Variants in GPALPP1 observed in about 807,000 individuals in gnomAD.
GPALPP1 encodes the protein GPALPP motifs containing 1, also known as GPALPP motifs-containing protein 1.
GPALPP1 carries 30 observed loss-of-function variants against 38.9 expected under a neutral mutation model. That is an observed-to-expected ratio of 0.77 (90% CI 0.58 to 1.05). The LOEUF (loss-of-function observed/expected upper bound fraction) is 1.05. Among genes scored for constraint, GPALPP1 ranks in the 50% least tolerant of loss-of-function variants. The probability of loss-of-function intolerance (pLI) is 0.00; values close to 1 mark genes in which losing one functional copy is unlikely to be tolerated. For synonymous variants in GPALPP1, 120 were observed against 139.2 expected, an observed-to-expected ratio of 0.86 and a Z score of 0.97; for missense variants, 384 against 408.8, an observed-to-expected ratio of 0.94 and a Z score of 0.52.
At chr13:45,019,010 T>TATATAA (rs1482004221) in intron 6 of GPALPP1, among the ~76,000 whole-genome samples, 2 of 61,228 alleles carry the variant, frequency 3.3e-5, no homozygotes, top group Admixed American at 2.3e-4. Context: ...TACATATAAA[T>TATATAA]ATATATACAC....
intron 5 of GPALPP1, among the ~76,000 whole-genome samples, 174 bp downstream of exon 5, chr13:45,015,257 C>T (rs751998814): frequency 4.6e-5 from 7 of 152,052 alleles, no homozygotes; most frequent in Non-Finnish European, 8.8e-5. Context: ...ATTGGATGAA[C>T]GTCTTTGTAA....
At chr13:45,033,780 A>G (rs958035975), downstream of GPALPP1, 7 of 152,218 alleles carry the variant, frequency 4.6e-5, no homozygotes, top group African/African-American at 1.7e-4. Context: ...TTCATTATCT[A>G]ATATAACTAT....
At chr13:44,999,413 G>C (rs953916843) in intron 1 of GPALPP1, among the ~76,000 whole-genome samples, 1 of 152,114 alleles carries the variant, frequency 6.6e-6, no homozygotes, top group Admixed American at 6.6e-5. Flanking sequence ...ATGACGACAA[G>C]CATCACTGCT....
chr13:45,037,303 T>C (rs1341305468), exon 8 of GPALPP1: 1 of 152,226 alleles, frequency 6.6e-6, no homozygotes, highest in Admixed American at 6.5e-5. Flanking sequence ...AAGTTGCTTA[T>C]GTATATAATA....
intron 1 of GPALPP1, among the ~76,000 whole-genome samples, chr13:45,002,673 C>G (rs1873784747): frequency 6.6e-6 from 1 of 152,194 alleles, no homozygotes; most frequent in Admixed American, 6.5e-5. Context: ...TTATCCAAAT[C>G]ACACAGCTAG....
intron 1 of GPALPP1, among the ~76,000 whole-genome samples, chr13:44,995,972 C>T (rs533150947): frequency 6.6e-5 from 10 of 152,262 alleles, no homozygotes; most frequent in Admixed American, 6.5e-5. Context: ...AAAGGAACCA[C>T]GTCCTAAGCC....
rs190332182 is a variant in GPALPP1 at position 44,993,900 on chromosome 13, G to T, written c.88+4158G>T. Among the ~76,000 whole-genome samples, 19 of 151,210 alleles carry T rather than the reference G, an allele frequency of 1.3e-4. No homozygotes were observed. In the East Asian group the frequency reaches 2.9e-3, roughly 23 times the overall value. On this transcript the variant is annotated intron_variant, in intron 1 of 7. Transcript: ENST00000379151. ...TTGCATTTCCTTAACGATTAGTGAT[G>T]TTGAGCACCTTTTCATATGCTTATT... is the stretch of plus-strand genomic sequence containing the variant.
chr13:45,009,830 A>G (rs911467587), intron 4 of GPALPP1, among the ~76,000 whole-genome samples: 2 of 152,146 alleles, frequency 1.3e-5, no homozygotes, highest in Admixed American at 6.5e-5. Context: ...TCTGTCAACA[A>G]ATTATTTTGT....
chr13:45,028,933 C>T lies in GPALPP1; in HGVS notation c.*930C>T, dbSNP rs1876035953. 2 of 152,138 alleles carry T rather than the reference C, an allele frequency of 1.3e-5. No individual in the cohort carries two copies. The highest frequency in any genetic ancestry group is 4.1e-4 in the South Asian group (2 of 4,826). 9.4% of individuals were successfully genotyped at this position (152,138 alleles called of 1,614,324 possible). A position where few individuals can be genotyped will look rare whatever the true frequency, so the allele number is the denominator to read the frequency against. The stretch of plus-strand genomic sequence containing the variant: ...ATTAGCCAGGTGTGGTGGCACGTGC[C>T]TGTAATCTCAGCTACTTGGGAGCCT... On this transcript the variant is annotated 3_prime_UTR_variant, in exon 8 of 8. Coordinates refer to ENST00000379151, the MANE Select transcript of GPALPP1 (RefSeq NM_018559.5).
chr13:44,995,504 A>G (rs1331856278), intron 1 of GPALPP1, among the ~76,000 whole-genome samples: 4 of 152,210 alleles, frequency 2.6e-5, no homozygotes, highest in African/African-American at 9.6e-5. Flanking sequence ...GAACTTCTAA[A>G]AAAAATCTTT....
At chr13:45,021,846 A>C (rs1463451416) in intron 7 of GPALPP1, among the ~76,000 whole-genome samples, 1 of 152,216 alleles carries the variant, frequency 6.6e-6, no homozygotes, top group African/African-American at 2.4e-5. Context: ...GGCTAAAGAT[A>C]AATAAGCTAA....
intron 1 of GPALPP1, among the ~76,000 whole-genome samples, chr13:44,992,172 T>C (rs1273830152): frequency 6.6e-6 from 1 of 152,232 alleles, no homozygotes; most frequent in Non-Finnish European, 1.5e-5. Flanking sequence ...TTAGTTTTTT[T>C]CTTTTAAATC....
At chr13:44,994,606 C>T (rs1303232422) in intron 1 of GPALPP1, among the ~76,000 whole-genome samples, 1 of 152,140 alleles carries the variant, frequency 6.6e-6, no homozygotes, top group Non-Finnish European at 1.5e-5. Flanking sequence ...CCCTTAGTTT[C>T]GTTCGTTTTG....
intron 6 of GPALPP1, among the ~76,000 whole-genome samples, chr13:45,019,879 ATTTTTTTTTTTT>A (rs34893767): frequency 1.2e-5 from 1 of 85,570 alleles, no homozygotes; most frequent in African/African-American, 4.8e-5. Context: ...TAATATTTTG[ATTTTTTTTTTTT>A]TTTTTTTTTT....
chr13:45,014,017 G>T (rs1874658034), intron 4 of GPALPP1, among the ~76,000 whole-genome samples: 2 of 152,088 alleles, frequency 1.3e-5, no homozygotes, highest in South Asian at 2.1e-4. Context: ...GCTTTTGTTT[G>T]CCCCTGAACG....
rs547969895 is a variant in GPALPP1 at position 45,021,982 on chromosome 13, A to T, written c.804+1554A>T. Among the ~76,000 whole-genome samples, 105 of 152,354 alleles carry T rather than the reference A, an allele frequency of 6.9e-4. 1 individual carries two copies. The South Asian group carries it at 0.021, about 31-fold the overall frequency. ...CAAAGAGTTGAACATGTTATTCTTA[A>T]TAGCCTCAAAAAAACTTATCCAAGA... On this transcript the variant is annotated intron_variant, in intron 7 of 7. Transcript: ENST00000379151.
intron 7 of GPALPP1, among the ~76,000 whole-genome samples, chr13:45,022,793 G>A (rs1237462586): frequency 1.3e-5 from 2 of 152,166 alleles, no homozygotes; most frequent in Non-Finnish European, 2.9e-5. Flanking sequence ...AGCACTTTGG[G>A]GGAGACTGAG....
intron 6 of GPALPP1, among the ~76,000 whole-genome samples, chr13:45,018,934 T>G (rs900181686): frequency 2.2e-5 from 3 of 137,866 alleles, no homozygotes; most frequent in African/African-American, 9.1e-5. Flanking sequence ...TGTATAAATA[T>G]ATACATATAA....
chr13:45,008,851 A>G lies in GPALPP1; in HGVS notation c.380A>G (p.Asp127Gly), dbSNP rs752199424. Reference sequence around the variant, plus strand: ...TTCATTAAATCTACACAGAAAAGTGACAAGGGCAGAGATGATCCAGGACAA... The same window carrying G: ...TTCATTAAATCTACACAGAAAAGTGGCAAGGGCAGAGATGATCCAGGACAA... ...PGFIKSTQKS[D>G]KGRDDPGQQE... Residue 127 changes from aspartate (D) to glycine (G), a missense_variant, in exon 4 of 8, where the codon GAC (aspartate) becomes GGC (glycine). Coordinates refer to ENST00000379151, the MANE Select transcript of GPALPP1 (RefSeq NM_018559.5). 6.3e-7 allele frequency: 1 copy of G among 1,597,072 alleles called. No individual in the cohort carries two copies. Among genetic ancestry groups the G allele is most frequent in the South Asian group, 1.1e-5 (1 of 90,698 alleles).
Sources: gnomAD v4.1 joint callset for allele counts (sites outside exome capture counted in the v4.1 genomes callset) on GRCh38, gnomAD v4.1.1 for gene constraint, MANE v1.5 for transcripts, NCBI Gene and HGNC (gene_info 2026-07-23, HGNC 2026-07-21) for gene names.